Variants in LOXHD1 observed in about 807,000 individuals in gnomAD.
LOXHD1 encodes the protein lipoxygenase homology PLAT domains 1, also known as lipoxygenase homology domain-containing protein 1.
Under a neutral mutation model 248.2 loss-of-function variants are expected in LOXHD1, and 205 were observed. That is an observed-to-expected ratio of 0.83 (90% CI 0.74 to 0.93). LOXHD1 has a LOEUF of 0.93. LOXHD1 is among the 40% of genes least tolerant of loss of function. The pLI is 0.00. For synonymous variants in LOXHD1, 1,113 were observed against 1,162.8 expected (o/e 0.96, Z 0.87); for missense variants, 2,930 against 2,971.6 (o/e 0.99, Z 0.33).
At chr18:46,485,486 T>C (rs775684637) in intron 38 of LOXHD1, among the ~76,000 whole-genome samples, 1 of 151,868 alleles carries the variant, frequency 6.6e-6, no homozygotes, top group Non-Finnish European at 1.5e-5. Flanking sequence ...GGACAAGAAG[T>C]GGGGCCCAGT....
At chr18:46,579,822 C>T in intron 12 of LOXHD1, 38 bp from the exon 13 acceptor site, 1 of 1,533,846 alleles carries the variant, frequency 6.5e-7, no homozygotes, top group Non-Finnish European at 8.8e-7. Context: ...GCTGACAGCC[C>T]CCTGCTTCCC....
intron 2 of LOXHD1, among the ~76,000 whole-genome samples, chr18:46,646,632 G>T (rs1480698080): frequency 6.6e-6 from 1 of 151,890 alleles, no homozygotes; most frequent in African/African-American, 2.4e-5. Context: ...CATCAACATG[G>T]CCCCACATTC....
chr18:46,630,665 G>C (rs2038808529), intron 4 of LOXHD1, among the ~76,000 whole-genome samples: 1 of 152,206 alleles, frequency 6.6e-6, no homozygotes, highest in Non-Finnish European at 1.5e-5. Flanking sequence ...GGACTGAGTA[G>C]CCCTGCATTC....
In LOXHD1 at chr18:46,579,632, T is replaced by C. The variant is rs569454492; in HGVS notation, c.1807A>G (p.Asn603Asp). Residue 603 changes from asparagine (N) to aspartate (D), a missense_variant and splice_region_variant, in exon 13 of 41, where the codon AAT (asparagine) becomes GAT (aspartate). By Grantham distance (23) the Asn-to-Asp change is conservative. Coordinates refer to ENST00000642948, the MANE Select transcript of LOXHD1 (RefSeq NM_001384474.1). ...RNNTDLFEKG[N>D]ADEFTIESVT... ...TGGGGCACATTGCTGTAACTTACAT[T>C]GCCCTTTTCAAACAGGTCTGTGTTA... 2 of 1,551,686 alleles carry C rather than the reference T, an allele frequency of 1.3e-6. No individual in the cohort carries two copies. Among genetic ancestry groups the C allele is most frequent in the African/African-American group, 2.7e-5 (2 of 73,152 alleles).
At chr18:46,542,584 A>T (rs2036610171) in intron 24 of LOXHD1, 143 bp downstream of exon 24, 1 of 1,001,186 alleles carries the variant, frequency 1.0e-6, no homozygotes. Context: ...TCTCGGCTCT[A>T]CTGGGCTAAA....
intron 21 of LOXHD1, among the ~76,000 whole-genome samples, chr18:46,550,104 G>A (rs1476355772): frequency 6.6e-6 from 1 of 152,194 alleles, no homozygotes; most frequent in East Asian, 1.9e-4. Flanking sequence ...ATGATTAAGT[G>A]ACTTAACAAA....
intron 2 of LOXHD1, among the ~76,000 whole-genome samples, chr18:46,646,689 C>T (rs1449328103): frequency 1.3e-5 from 2 of 152,324 alleles, no homozygotes; most frequent in South Asian, 2.1e-4. Context: ...GCGCTCATTG[C>T]TGCCTCCAGA....
At position 46,521,093 on chromosome 18, in the gene LOXHD1, C is replaced by T. The variant is rs1036441899; in HGVS notation, c.5271+4G>A. The T allele has an allele frequency of 1.3e-6, 2 of 1,551,456 alleles. No individual in the cohort carries two copies. The highest frequency in any genetic ancestry group is 2.4e-5 in the South Asian group (2 of 84,038). ...GCACTGCACACTCACAGTGCCCCCC[C>T]TACCTTCACCCCAATGTTCACCACC... On this transcript the variant is annotated splice_donor_region_variant and intron_variant, in intron 33 of 40. Coordinates refer to ENST00000642948, the MANE Select transcript of LOXHD1 (RefSeq NM_001384474.1).
intron 28 of LOXHD1, among the ~76,000 whole-genome samples, chr18:46,532,436 AGAG>A (rs1010597924): frequency 6.6e-6 from 1 of 152,178 alleles, no homozygotes; most frequent in African/African-American, 2.4e-5. Flanking sequence ...ATGTAGAAAG[AGAG>A]GAGAAGAGAA....
At chr18:46,586,725 G>A (rs1232163105) in intron 12 of LOXHD1, among the ~76,000 whole-genome samples, 2 of 152,178 alleles carry the variant, frequency 1.3e-5, no homozygotes, top group Non-Finnish European at 2.9e-5. Context: ...TAGGATTACA[G>A]GCATGAGCCA....
intron 25 of LOXHD1, among the ~76,000 whole-genome samples, chr18:46,541,389 A>T (rs2036551725): frequency 6.6e-6 from 1 of 152,170 alleles, no homozygotes; most frequent in Non-Finnish European, 1.5e-5. Context: ...CATGTTAATG[A>T]CTGGAGTAAG....
chr18:46,645,082 T>G (rs753910744), intron 2 of LOXHD1, among the ~76,000 whole-genome samples: 1 of 152,010 alleles, frequency 6.6e-6, no homozygotes, highest in Non-Finnish European at 1.5e-5. Context: ...GCTCTTCTGA[T>G]TCCCTTCACT....
In LOXHD1 at chr18:46,517,259, G is replaced by A. The variant is rs143836412; in HGVS notation, c.5399+870C>T. On this transcript the variant is annotated intron_variant, in intron 34 of 40. Coordinates refer to ENST00000642948, the MANE Select transcript of LOXHD1 (RefSeq NM_001384474.1). ...CTGTCTAAATTGGGAATCCAAGGGA[G>A]GACAGGGACAATGAGTACTATAGGA... Among the ~76,000 whole-genome samples, 875 of 152,270 alleles carry A rather than the reference G, an allele frequency of 5.7e-3. 10 individuals are homozygous for A. The highest frequency in any genetic ancestry group is 0.02 in the African/African-American group (835 of 41,572).
chr18:46,533,504 C>A (rs2036168355), intron 27 of LOXHD1, among the ~76,000 whole-genome samples, 180 bp from the exon 28 acceptor site: 2 of 152,226 alleles, frequency 1.3e-5, no homozygotes, highest in Non-Finnish European at 2.9e-5. Flanking sequence ...AAGACTTGCA[C>A]AACCACATCA....
intron 37 of LOXHD1, among the ~76,000 whole-genome samples, chr18:46,498,737 G>T (rs764151202): frequency 6.6e-6 from 1 of 152,114 alleles, no homozygotes; most frequent in South Asian, 2.1e-4. Context: ...TAAATCCATG[G>T]TGATCTCATC....
At chr18:46,643,198 C>T (rs768977670) in intron 2 of LOXHD1, among the ~76,000 whole-genome samples, 2 of 152,102 alleles carry the variant, frequency 1.3e-5, no homozygotes, top group Non-Finnish European at 2.9e-5. Flanking sequence ...TGGAGGCAGC[C>T]TTGTCAGGGA....
chr18:46,490,800 T>C (rs546950277), intron 37 of LOXHD1, among the ~76,000 whole-genome samples: 1 of 152,338 alleles, frequency 6.6e-6, no homozygotes, highest in East Asian at 1.9e-4. Flanking sequence ...AATAAATTTG[T>C]TTCTTAACTC....
intron 29 of LOXHD1, among the ~76,000 whole-genome samples, chr18:46,526,923 G>A (rs2035854045): frequency 6.6e-6 from 1 of 152,162 alleles, no homozygotes; most frequent in African/African-American, 2.4e-5. Flanking sequence ...GGAGAGGGGT[G>A]TCCAAGATGA....
intron 37 of LOXHD1, among the ~76,000 whole-genome samples, chr18:46,497,181 C>T (rs557295577): frequency 6.6e-6 from 1 of 152,134 alleles, no homozygotes; most frequent in African/African-American, 2.4e-5. Flanking sequence ...TTTCTTTAAA[C>T]CCAAGAGCCA....
Sources: allele counts gnomAD v4.1 joint callset (sites outside exome capture counted in the v4.1 genomes callset), GRCh38; gene constraint gnomAD v4.1.1; transcripts MANE v1.5; gene names NCBI Gene and HGNC (gene_info 2026-07-23, HGNC 2026-07-21).